AOX1: variants seen among roughly 807,000 people sequenced by gnomAD.
AOX1 encodes the protein aldehyde oxidase.
Under a neutral mutation model 169.5 loss-of-function variants are expected in AOX1, and 153 were observed. The ratio of observed to expected loss-of-function variants is 0.90; its 90% CI spans 0.79 to 1.03. The LOEUF (loss-of-function observed/expected upper bound fraction) is 1.03, where lower values mean the gene tolerates loss of function less well. AOX1 is among the 50% of genes least tolerant of loss of function. The pLI is 0.00. For synonymous variants in AOX1, 562 were observed against 581.9 expected (o/e 0.97, Z 0.49); for missense variants, 1,656 against 1,663.9 (o/e 1.00, Z 0.08).
At chr2:200,666,113 C>G (rs34892292) in intron 31 of AOX1, among the ~76,000 whole-genome samples, 35,636 of 152,162 alleles carry the variant, frequency 0.23, 4,916 homozygotes, top group East Asian at 0.54. Flanking sequence ...TCTGGCTGGG[C>G]CTGCTGTACT....
At chr2:200,616,142 G>T (rs905055317) in intron 16 of AOX1, 79 bp downstream of exon 16, 7 of 1,031,136 alleles carry the variant, frequency 6.8e-6, no homozygotes, top group Non-Finnish European at 1.5e-6. Context: ...CTGTCTCTCC[G>T]TGAAACTCAA....
Position 200,636,942 on chromosome 2 carries a change from C to G in AOX1, c.2378C>G (p.Ala793Gly), listed in dbSNP as rs2035245425. Reference protein sequence around the residue: ...DIVASTLKLPANKVMCHVRRV... With the variant: ...DIVASTLKLPGNKVMCHVRRV... The stretch of plus-strand genomic sequence containing the variant: ...GTTGCCTCAACCTTGAAGCTCCCAG[C>G]TAACAAGGTCATGTGCCATGTAAGG... The change falls in exon 22 of 35, where the codon GCT becomes GGT. Residue 793 changes from alanine to glycine, a missense_variant. Ala to Gly is a moderately conservative substitution (Grantham distance 60). Coordinates refer to ENST00000374700, the MANE Select transcript of AOX1 (RefSeq NM_001159.4). 6.2e-7 allele frequency: 1 copy of G among 1,613,934 alleles called. No homozygotes were observed. Among genetic ancestry groups the G allele is most frequent in the African/African-American group, 1.3e-5 (1 of 74,920 alleles).
chr2:200,659,662 A>T (rs2035774263), intron 28 of AOX1, among the ~76,000 whole-genome samples: 2 of 152,222 alleles, frequency 1.3e-5, no homozygotes, highest in South Asian at 4.2e-4. Flanking sequence ...CTGCTGCCGG[A>T]GTGAATTTTC....
At position 200,662,958 on chromosome 2, in the gene AOX1, G is replaced by C; in HGVS notation, c.3532G>C (p.Gly1178Arg). Residue 1178 changes from glycine to arginine, a missense_variant, in exon 31 of 35, where the codon GGG (glycine) becomes CGG (arginine). Physicochemically the swap from Gly to Arg is moderately radical, Grantham distance 125 (BLOSUM62 -2). Transcript: ENST00000374700. The part of the protein sequence containing the change: ...CSEVEIDCLT[G>R]DHKNIRTDIV... ...CGAGGTTGAAATAGACTGCCTGACG[G>C]GGGATCATAAGGTCAGTACCGGTTG... The C allele has an allele frequency of 6.2e-7, 1 of 1,613,892 alleles. No individual in the cohort carries two copies. The highest frequency in any genetic ancestry group is 8.5e-7 in the Non-Finnish European group (1 of 1,179,804).
intron 25 of AOX1, among the ~76,000 whole-genome samples, chr2:200,650,701 GAGTT>G (rs1484673421): frequency 4.6e-5 from 7 of 152,306 alleles, no homozygotes; most frequent in African/African-American, 1.7e-4. Context: ...GGACTGTGTT[GAGTT>G]ATATTGGAAC....
intron 26 of AOX1, among the ~76,000 whole-genome samples, chr2:200,654,957 A>ATG: frequency 6.6e-6 from 1 of 152,342 alleles, no homozygotes; most frequent in African/African-American, 2.4e-5. Context: ...TCTGATAGAC[A>ATG]TGCTGTCTTG....
intron 33 of AOX1, 31 bp downstream of exon 33, chr2:200,668,834 GTTTA>G: frequency 1.3e-6 from 2 of 1,582,224 alleles, no homozygotes; most frequent in Non-Finnish European, 1.7e-6. Context: ...AAATATGCAT[GTTTA>G]TATGATACCT....
At chr2:200,635,193 A>ATTTCAGTATTAATAGCCATATTGT (rs1394060818) in intron 21 of AOX1, among the ~76,000 whole-genome samples, 19 of 152,148 alleles carry the variant, frequency 1.2e-4, no homozygotes, top group African/African-American at 4.3e-4. Flanking sequence ...AGCCATATTG[A>ATTTCAGTATTAATAGCCATATTGT]TTTCAGTATT....
intron 32 of AOX1, 140 bp from the exon 33 acceptor site, chr2:200,668,475 A>G: frequency 2.7e-6 from 2 of 737,562 alleles, no homozygotes; most frequent in East Asian, 5.5e-5. Context: ...ATAAACTTTC[A>G]GCAACATGCT....
At chr2:200,628,306 C>T (rs2035047169) in intron 20 of AOX1, among the ~76,000 whole-genome samples, 1 of 152,114 alleles carries the variant, frequency 6.6e-6, no homozygotes, top group Non-Finnish European at 1.5e-5. Flanking sequence ...CTAACATAAA[C>T]ATAGTTATCA....
At chr2:200,651,984 C>G (rs993409207) in intron 26 of AOX1, among the ~76,000 whole-genome samples, 3 of 152,038 alleles carry the variant, frequency 2.0e-5, no homozygotes, top group Non-Finnish European at 4.4e-5. Context: ...CTGGGAGGAC[C>G]CTCACAATTG....
Position 200,634,824 on chromosome 2 carries a change from A to T in AOX1, c.2255A>T (p.Tyr752Phe). The change falls in exon 21 of 35, where the codon TAT becomes TTT. Residue 752 changes from tyrosine (Y) to phenylalanine (F), a missense_variant. By Grantham distance (22) the Tyr-to-Phe change is conservative. Coordinates refer to ENST00000374700, the MANE Select transcript of AOX1 (RefSeq NM_001159.4). ...CATATGGGAGGTCAAGAACATTTTTATATGGAAACCCAAAGCATGCTTGTC... is the reference window on the plus strand; with the variant it reads ...CATATGGGAGGTCAAGAACATTTTTTTATGGAAACCCAAAGCATGCTTGTC... ...EIHMGGQEHF[Y>F]METQSMLVVP... The T allele has an allele frequency of 6.2e-7, 1 of 1,614,058 alleles. No individual in the cohort carries two copies. Among genetic ancestry groups the T allele is most frequent in the African/African-American group, 1.3e-5 (1 of 75,040 alleles).
intron 20 of AOX1, among the ~76,000 whole-genome samples, chr2:200,632,476 C>T (rs1381955873): frequency 6.6e-6 from 1 of 151,778 alleles, no homozygotes; most frequent in Non-Finnish European, 1.5e-5. Flanking sequence ...TTTATTTATT[C>T]TACATACATT....
intron 25 of AOX1, among the ~76,000 whole-genome samples, chr2:200,645,680 G>C (rs988016057): frequency 1.3e-5 from 2 of 152,118 alleles, no homozygotes; most frequent in Non-Finnish European, 2.9e-5. Context: ...GTGGAATTCT[G>C]CTGTGAATCC....
At position 200,659,162 on chromosome 2, in the gene AOX1, C is replaced by T. The variant is rs1232418009; in HGVS notation, c.3172-3C>T. On this transcript the variant is annotated splice_region_variant and splice_polypyrimidine_tract_variant and intron_variant, in intron 27 of 34. Transcript: ENST00000374700. ...TAAAAGGAAACTCTCTCTTAAAATT[C>T]AGGTGGTCAGCCGTGAATTAAGAAT... The T allele has an allele frequency of 3.7e-6, 6 of 1,613,370 alleles. No individual in the cohort carries two copies. Among genetic ancestry groups the T allele is most frequent in the Admixed American group, 1.7e-5 (1 of 59,934 alleles).
chr2:200,620,195 G>C, intron 16 of AOX1, among the ~76,000 whole-genome samples: 1 of 128,632 alleles, frequency 7.8e-6, no homozygotes, highest in African/African-American at 2.8e-5. Flanking sequence ...GTTATTAATA[G>C]TGACTTTTTT....
In AOX1 at chr2:200,612,732, T is replaced by G. The variant is rs2034666674; in HGVS notation, c.1387T>G (p.Tyr463Asp). ...CATTATTAGAGAGTTATGCATCTCA[T>G]ATGGAGGCGTTGGTCCAGCCACCAT... ...DGIIRELCISYGGVGPATICA... is the reference protein window; with the variant it reads ...DGIIRELCISDGGVGPATICA... The change falls in exon 14 of 35, where the codon TAT becomes GAT. Residue 463 changes from tyrosine to aspartate, a missense_variant. Transcript: ENST00000374700. 2 of 1,614,072 alleles carry G rather than the reference T, an allele frequency of 1.2e-6. No homozygotes were observed. Among genetic ancestry groups the G allele is most frequent in the Non-Finnish European group, 1.7e-6 (2 of 1,179,976 alleles).
At chr2:200,588,413 G>A (rs913654211) in intron 1 of AOX1, 1 of 152,150 alleles carries the variant, frequency 6.6e-6, no homozygotes, top group African/African-American at 2.4e-5. Context: ...ACATCTCCTC[G>A]CTTCTCCTTC....
At position 200,621,239 on chromosome 2, in the gene AOX1, C is replaced by A; in HGVS notation, c.1994C>A (p.Thr665Lys). 1 of 1,613,618 alleles carries A rather than the reference C, an allele frequency of 6.2e-7. No individual in the cohort carries two copies. Among genetic ancestry groups the A allele is most frequent in the Non-Finnish European group, 8.5e-7 (1 of 1,179,910 alleles). ...ACTGAAGCTGAGAAATTTCTGGCGA[C>A]AGATAAGGTACTGCATTTTTGCTTT... ...FFTEAEKFLA[T>K]DKVFCVGQLV... Residue 665 changes from threonine (T) to lysine (K), a missense_variant, in exon 18 of 35, where the codon ACA (threonine) becomes AAA (lysine). Thr to Lys is a moderately conservative substitution (Grantham distance 78). Coordinates refer to ENST00000374700, the MANE Select transcript of AOX1 (RefSeq NM_001159.4).
Sources: allele counts gnomAD v4.1 joint callset (sites outside exome capture counted in the v4.1 genomes callset), GRCh38; gene constraint gnomAD v4.1.1; transcripts MANE v1.5; gene names NCBI Gene and HGNC (gene_info 2026-07-23, HGNC 2026-07-21).